The following ST6GALNAC3 variants were observed in gnomAD, a reference collection of about 807,000 sequenced individuals.
ST6GALNAC3 encodes the protein alpha-N-acetylgalactosaminide alpha-2,6-sialyltransferase 3.
In ST6GALNAC3, 25 loss-of-function variants were observed where a neutral mutation model predicts 32.7. The observed-to-expected ratio is 0.76, with a 90% confidence interval of 0.56 to 1.07. ST6GALNAC3 has a LOEUF of 1.07. Among genes scored for constraint, ST6GALNAC3 ranks in the 50% least tolerant of loss-of-function variants. ST6GALNAC3 has a pLI of 0.00. For missense variants in ST6GALNAC3, 355 were observed against 382.4 expected, an observed-to-expected ratio of 0.93 and a Z score of 0.60; for synonymous variants, 129 against 133.1, an observed-to-expected ratio of 0.97 and a Z score of 0.21.
chr1:76,151,478 T>C (rs1383083703), intron 1 of ST6GALNAC3, among the ~76,000 whole-genome samples: 2 of 152,110 alleles, frequency 1.3e-5, no homozygotes, highest in Admixed American at 6.5e-5. Flanking sequence ...GATTCCAGTG[T>C]ACATAGTTTA....
At chr1:76,594,932 CATTTTACATTAAT>C (rs1647110512) in intron 3 of ST6GALNAC3, among the ~76,000 whole-genome samples, 1 of 152,120 alleles carries the variant, frequency 6.6e-6, no homozygotes, top group Non-Finnish European at 1.5e-5. Context: ...CTATTATTAG[CATTTTACATTAAT>C]ATTTTTCATT....
At chr1:76,169,216 A>T (rs558155383) in intron 1 of ST6GALNAC3, among the ~76,000 whole-genome samples, 14 of 152,206 alleles carry the variant, frequency 9.2e-5, no homozygotes, top group African/African-American at 2.9e-4. Flanking sequence ...AAGCTTAGTT[A>T]GGCTGGATAT....
chr1:76,150,222 A>AC (rs140666287), intron 1 of ST6GALNAC3, among the ~76,000 whole-genome samples: 5,068 of 152,008 alleles, frequency 0.033, 158 homozygotes, highest in Non-Finnish European at 0.045. Flanking sequence ...GGGTATCTTC[A>AC]CCCGTCACCA....
chr1:76,341,674 T>C lies in ST6GALNAC3; in HGVS notation c.213+27675T>C, dbSNP rs371078663. Among the ~76,000 whole-genome samples, 118 of 132,170 alleles carry C rather than the reference T, an allele frequency of 8.9e-4. 1 individual carries two copies. The highest frequency in any genetic ancestry group is 2.8e-3 in the African/African-American group (98 of 34,740). 86.7% of individuals were successfully genotyped at this position (132,170 alleles called of 152,430 possible). A position where few individuals can be genotyped will look rare whatever the true frequency, so the allele number is the denominator to read the frequency against. ...CTTTCTTTCTTTCTTTCTTTCTTTC[T>C]TTCTTTCCTTCTTTCTTTCTTTCTT... is the stretch of plus-strand genomic sequence containing the variant. On this transcript the variant is annotated intron_variant, in intron 2 of 4. Transcript: ENST00000328299.
At chr1:76,627,009 C>G (rs1649008360) in intron 3 of ST6GALNAC3, among the ~76,000 whole-genome samples, 1 of 151,900 alleles carries the variant, frequency 6.6e-6, no homozygotes, top group African/African-American at 2.4e-5. Flanking sequence ...ACCCAAGCAG[C>G]CTTCAAGAAA....
At chr1:76,360,861 T>G (rs1649872159) in intron 2 of ST6GALNAC3, among the ~76,000 whole-genome samples, 1 of 152,182 alleles carries the variant, frequency 6.6e-6, no homozygotes, top group African/African-American at 2.4e-5. Flanking sequence ...AGTCTCAATT[T>G]CAAGGAAAAT....
intron 3 of ST6GALNAC3, among the ~76,000 whole-genome samples, chr1:76,436,250 G>A (rs4245652): frequency 0.27 from 41,106 of 151,978 alleles, 6,235 homozygotes; most frequent in Admixed American, 0.37. Flanking sequence ...AAATGAGACT[G>A]AGTTCGAAGA....
intron 3 of ST6GALNAC3, among the ~76,000 whole-genome samples, chr1:76,498,837 T>A (rs1052561644): frequency 6.6e-6 from 1 of 152,118 alleles, no homozygotes; most frequent in African/African-American, 2.4e-5. Context: ...GAAGAGACTC[T>A]GCTTTTCTGT....
intron 3 of ST6GALNAC3, among the ~76,000 whole-genome samples, chr1:76,461,438 C>G (rs1381422356): frequency 6.6e-6 from 1 of 152,162 alleles, no homozygotes; most frequent in East Asian, 1.9e-4. Context: ...TAAAAACATA[C>G]AATTAAACAC....
At chr1:76,462,763 T>C (rs558689199) in intron 3 of ST6GALNAC3, among the ~76,000 whole-genome samples, 4 of 152,226 alleles carry the variant, frequency 2.6e-5, no homozygotes, top group East Asian at 1.9e-4. Context: ...TAAGTATCAC[T>C]AGCACTGATT....
chr1:76,425,930 G>A (rs767138224), intron 3 of ST6GALNAC3, among the ~76,000 whole-genome samples: 15 of 151,984 alleles, frequency 9.9e-5, no homozygotes, highest in Middle Eastern at 6.8e-3. Context: ...CCTGGAGTCA[G>A]CCCAGAAGAT....
At chr1:76,505,975 GT>G (rs1164361138) in intron 3 of ST6GALNAC3, among the ~76,000 whole-genome samples, 1 of 152,010 alleles carries the variant, frequency 6.6e-6, no homozygotes, top group Non-Finnish European at 1.5e-5. Context: ...GATGAAATAT[GT>G]TCATCTCCTA....
chr1:76,378,665 C>CA (rs1322651714), intron 2 of ST6GALNAC3, among the ~76,000 whole-genome samples: 2 of 101,560 alleles, frequency 2.0e-5, no homozygotes, highest in Non-Finnish European at 4.1e-5. Flanking sequence ...TCCTTCCCCC[C>CA]CCCAAAAAAA....
intron 1 of ST6GALNAC3, among the ~76,000 whole-genome samples, chr1:76,149,155 T>C (rs760315759): frequency 3.9e-5 from 6 of 152,244 alleles, no homozygotes; most frequent in Non-Finnish European, 7.3e-5. Flanking sequence ...TTTTCTGGCT[T>C]ATGGGGCTTA....
At chr1:76,422,250 T>C (rs1397907505) in intron 3 of ST6GALNAC3, among the ~76,000 whole-genome samples, 1 of 151,930 alleles carries the variant, frequency 6.6e-6, no homozygotes, top group Non-Finnish European at 1.5e-5. Context: ...TCAGGCAAAC[T>C]TGCAAAAAGT....
chr1:76,197,211 T>C (rs994030520), intron 1 of ST6GALNAC3, among the ~76,000 whole-genome samples: 1 of 152,190 alleles, frequency 6.6e-6, no homozygotes, highest in African/African-American at 2.4e-5. Context: ...AGATTGCTGA[T>C]GAAGATGTGC....
chr1:76,606,155 G>C (rs923647264), intron 3 of ST6GALNAC3, among the ~76,000 whole-genome samples: 1 of 152,038 alleles, frequency 6.6e-6, no homozygotes, highest in Non-Finnish European at 1.5e-5. Flanking sequence ...GAAGACAGTG[G>C]GGTGATTCCT....
At chr1:76,180,763 AG>A (rs1299794795) in intron 1 of ST6GALNAC3, among the ~76,000 whole-genome samples, 2 of 152,164 alleles carry the variant, frequency 1.3e-5, no homozygotes, top group Admixed American at 1.3e-4. Context: ...CTCCAGGGGA[AG>A]ATCATCTTCC....
At chr1:76,189,562 G>A (rs1356828991) in intron 1 of ST6GALNAC3, among the ~76,000 whole-genome samples, 1 of 146,404 alleles carries the variant, frequency 6.8e-6, no homozygotes, top group African/African-American at 2.4e-5. Flanking sequence ...TGAATAGAGA[G>A]TAGAATGACT....
Sources: allele counts gnomAD v4.1 joint callset (sites outside exome capture counted in the v4.1 genomes callset), GRCh38; gene constraint gnomAD v4.1.1; transcripts MANE v1.5; gene names NCBI Gene and HGNC (gene_info 2026-07-23, HGNC 2026-07-21).